Variants in DEK observed in about 807,000 individuals in gnomAD.
The protein encoded by DEK is DEK proto-oncogene.
In DEK, 28 loss-of-function variants were observed where a neutral mutation model predicts 46.8. The ratio of observed to expected loss-of-function variants is 0.60; its 90% CI spans 0.44 to 0.82. The LOEUF is 0.82. Ranked by LOEUF, DEK falls within the 40% of genes least tolerant of loss-of-function variation. The pLI, the probability that DEK is intolerant of heterozygous loss-of-function variation, is 0.00. For missense variants in DEK, 416 were observed against 430.6 expected (o/e 0.97, Z 0.30); for synonymous variants, 160 against 144.5 (o/e 1.11, Z -0.77).
chr6:18,229,897 G>A (rs184949606), intron 9 of DEK, among the ~76,000 whole-genome samples: 3 of 152,076 alleles, frequency 2.0e-5, no homozygotes, highest in Non-Finnish European at 2.9e-5. Context: ...AATACTCCTC[G>A]AGAAGAGCAA....
In DEK at chr6:18,244,594, A is replaced by C. The variant is rs190642180; in HGVS notation, c.762+5057T>G. The C allele has an allele frequency of 4.8e-3, 6,207 of 1,288,198 alleles. 12 individuals carry two copies. The highest frequency in any genetic ancestry group is 5.8e-3 in the Non-Finnish European group (5,759 of 988,088). 79.8% of individuals were successfully genotyped at this position (1,288,198 alleles called of 1,614,324 possible). A position where few individuals can be genotyped will look rare whatever the true frequency, so the allele number is the denominator to read the frequency against. On this transcript the variant is annotated intron_variant, in intron 7 of 10. Coordinates refer to ENST00000652689, the MANE Select transcript of DEK (RefSeq NM_003472.4). ...AGCCAGAATTCTGTCCTCACAGCAGAAAGGTTGTACTGGGTGAACAGATGA... is the reference window on the plus strand; with the variant it reads ...AGCCAGAATTCTGTCCTCACAGCAGCAAGGTTGTACTGGGTGAACAGATGA...
At chr6:18,230,301 T>C (rs1489763137) in intron 9 of DEK, among the ~76,000 whole-genome samples, 1 of 152,128 alleles carries the variant, frequency 6.6e-6, no homozygotes, top group East Asian at 1.9e-4. Context: ...CCATCGATGC[T>C]AGGAAGAAAC....
At position 18,226,219 on chromosome 6, in the gene DEK, A is replaced by G. The variant is rs368781029; in HGVS notation, c.1071T>C (p.Tyr357=). The change falls in exon 10 of 11, where the codon TAT becomes TAC. Residue 357 remains tyrosine (Y), a synonymous_variant. Coordinates refer to ENST00000652689, the MANE Select transcript of DEK (RefSeq NM_003472.4). ...TGAAATCTTTTCTTTCAGTTAAATC[A>G]TAAGTAGGATAATTTTCATAGACCT... ...CKKVYENYPT[Y]DLTERKDFIK... The G allele has an allele frequency of 7.7e-5, 104 of 1,348,910 alleles. No homozygotes were observed. Among genetic ancestry groups the G allele is most frequent in the Admixed American group, 2.7e-4 (8 of 29,762 alleles). The allele number at this position is 1,348,910 out of a possible 1,614,324, so 83.6% of individuals were successfully genotyped here.
At chr6:18,240,230 A>G (rs1052074708) in intron 7 of DEK, among the ~76,000 whole-genome samples, 2 of 152,228 alleles carry the variant, frequency 1.3e-5, no homozygotes, top group East Asian at 1.9e-4. Context: ...TTACTTCTGT[A>G]TAACAAAACC....
chr6:18,248,391 T>C (rs919763477), intron 7 of DEK, among the ~76,000 whole-genome samples: 6 of 152,194 alleles, frequency 3.9e-5, no homozygotes, highest in Non-Finnish European at 8.8e-5. Flanking sequence ...CACCAAATAT[T>C]TCCTGAATGA....
At chr6:18,250,418 G>A (rs1225785310) in intron 6 of DEK, among the ~76,000 whole-genome samples, 3 of 152,048 alleles carry the variant, frequency 2.0e-5, no homozygotes. Context: ...GCAGTGAGCC[G>A]AGATCGCGCC....
At chr6:18,232,115 A>G (rs1374971503) in intron 9 of DEK, among the ~76,000 whole-genome samples, 1 of 152,214 alleles carries the variant, frequency 6.6e-6, no homozygotes, top group Non-Finnish European at 1.5e-5. Flanking sequence ...GACAAAAACC[A>G]CAAGATTATC....
chr6:18,246,356 C>A (rs1486175029), intron 7 of DEK, among the ~76,000 whole-genome samples: 2 of 152,118 alleles, frequency 1.3e-5, no homozygotes, highest in African/African-American at 4.8e-5. Flanking sequence ...AAAGGGATTT[C>A]TTTCTGAAGT....
rs1790034823 is a variant in DEK at position 18,224,755 on chromosome 6, G to A, written c.*964C>T. ...CCAGTAAATATCAGCATTTTATATGGGCAAAAGCAGTTAATAAAAATCAGT... is the reference window on the plus strand; with the variant it reads ...CCAGTAAATATCAGCATTTTATATGAGCAAAAGCAGTTAATAAAAATCAGT... On this transcript the variant is annotated 3_prime_UTR_variant, in exon 11 of 11. Transcript: ENST00000652689. 4.7e-6 allele frequency: 1 copy of A among 214,086 alleles called. No homozygotes were observed. The highest frequency in any genetic ancestry group is 1.9e-4 in the South Asian group (1 of 5,348). The allele number at this position is 214,086 out of a possible 1,614,324, so 13.3% of individuals were successfully genotyped here.
chr6:18,237,182 T>A, intron 8 of DEK, 199 bp downstream of exon 8: 2 of 470,674 alleles, frequency 4.2e-6, no homozygotes, highest in Non-Finnish European at 6.9e-6. Flanking sequence ...TCTGTCTCTC[T>A]CTCTATATAT....
rs930814674 is a variant in DEK, at chr6:18,223,985, G to A, written c.*1734C>T. The A allele has an allele frequency of 6.5e-6, 1 of 153,070 alleles. No individual in the cohort carries two copies. The highest frequency in any genetic ancestry group is 2.4e-5 in the African/African-American group (1 of 41,408). 9.5% of individuals were successfully genotyped at this position (153,070 alleles called of 1,614,324 possible). On this transcript the variant is annotated 3_prime_UTR_variant, in exon 11 of 11. Coordinates refer to ENST00000652689, the MANE Select transcript of DEK (RefSeq NM_003472.4). ...ACTACTTACCTTCTTTATAGCAAAT[G>A]GTCATAAAATTAACCTTAATTATTC...
intron 8 of DEK, 77 bp downstream of exon 8, chr6:18,237,304 A>G (rs1203739682): frequency 6.8e-7 from 1 of 1,468,300 alleles, no homozygotes; most frequent in East Asian, 2.4e-5. Context: ...TTTCTCCCAC[A>G]CACTTAAATA....
intron 7 of DEK, among the ~76,000 whole-genome samples, chr6:18,249,301 A>G (rs138223005): frequency 1.3e-5 from 2 of 152,182 alleles, no homozygotes; most frequent in African/African-American, 2.4e-5. Context: ...TAAAGTATCA[A>G]TATATTACGA....
chr6:18,228,684 A>G (rs1790249405), intron 9 of DEK, among the ~76,000 whole-genome samples: 1 of 152,200 alleles, frequency 6.6e-6, no homozygotes, highest in Admixed American at 6.5e-5. Flanking sequence ...CTAATACTGC[A>G]CTTTTCCAAC....
intron 9 of DEK, among the ~76,000 whole-genome samples, chr6:18,233,474 G>C (rs1350603262): frequency 6.6e-6 from 1 of 152,152 alleles, no homozygotes; most frequent in African/African-American, 2.4e-5. Flanking sequence ...CTAATATTCA[G>C]AATCTACAAA....
chr6:18,258,756 A>G (rs967617096), intron 2 of DEK, among the ~76,000 whole-genome samples: 3 of 152,218 alleles, frequency 2.0e-5, no homozygotes, highest in Admixed American at 2.0e-4. Context: ...ACATAATTCT[A>G]TTTAATAATT....
At chr6:18,254,224 T>C (rs1272063139) in intron 6 of DEK, among the ~76,000 whole-genome samples, 1 of 151,938 alleles carries the variant, frequency 6.6e-6, no homozygotes, top group South Asian at 2.1e-4. Context: ...CCAGCTACTG[T>C]AGAGACTGAG....
chr6:18,263,508 A>G (rs1250392511), intron 2 of DEK, among the ~76,000 whole-genome samples: 2 of 152,104 alleles, frequency 1.3e-5, no homozygotes, highest in Non-Finnish European at 2.9e-5. Context: ...TCAAAGGTGC[A>G]CACACACAGG....
intron 7 of DEK, among the ~76,000 whole-genome samples, chr6:18,238,515 G>A (rs1476380436): frequency 1.3e-5 from 2 of 151,824 alleles, no homozygotes; most frequent in African/African-American, 4.8e-5. Flanking sequence ...TGGTCAACAT[G>A]GTGAAACACT....
Sources: gnomAD v4.1 joint callset for allele counts (sites outside exome capture counted in the v4.1 genomes callset) on GRCh38, gnomAD v4.1.1 for gene constraint, MANE v1.5 for transcripts, NCBI Gene and HGNC (gene_info 2026-07-23, HGNC 2026-07-21) for gene names.